The following CBFA2T3 variants were observed in gnomAD, a reference collection of about 807,000 sequenced individuals.
The protein encoded by CBFA2T3 is CBFA2/RUNX1 partner transcriptional co-repressor 3.
In CBFA2T3, 31 loss-of-function variants were observed where a neutral mutation model predicts 58.6. The observed-to-expected ratio is 0.53, with a 90% confidence interval of 0.40 to 0.71. CBFA2T3 has a LOEUF of 0.71. CBFA2T3 is among the 30% of genes least tolerant of loss of function. CBFA2T3 has a pLI of 0.00. For missense variants in CBFA2T3, 1,076 were observed against 963.1 expected, an observed-to-expected ratio of 1.12 and a Z score of -1.55; for synonymous variants, 531 against 421.9, an observed-to-expected ratio of 1.26 and a Z score of -3.17.
chr16:88,888,854 G>A (rs1235733440), intron 5 of CBFA2T3, among the ~76,000 whole-genome samples: 1 of 151,918 alleles, frequency 6.6e-6, no homozygotes, highest in Non-Finnish European at 1.5e-5. Flanking sequence ...ACCCCACACA[G>A]GCCGTGGGAT....
At chr16:88,898,637 G>T (rs186966622) in intron 2 of CBFA2T3, among the ~76,000 whole-genome samples, 1 of 151,200 alleles carries the variant, frequency 6.6e-6, no homozygotes, top group African/African-American at 2.5e-5. Context: ...GACCTGGGCC[G>T]AAGCCGCGTG....
At chr16:88,936,012 A>G (rs2142785385) in intron 1 of CBFA2T3, among the ~76,000 whole-genome samples, 1 of 152,236 alleles carries the variant, frequency 6.6e-6, no homozygotes, top group African/African-American at 2.4e-5. Context: ...GGAACAGGGC[A>G]GGGGGCTGCA....
rs1410339179 is a variant in CBFA2T3 at position 88,891,737 on chromosome 16, G to C, written c.711+145C>G. On this transcript the variant is annotated intron_variant, in intron 5 of 11. Coordinates refer to ENST00000268679, the MANE Select transcript of CBFA2T3 (RefSeq NM_005187.6). ...ACAGGGTCCCAGGTTGGCCAAGATC[G>C]ATGCCTCACACCTCTTCATCCACCT... 8.0e-6 allele frequency: 5 copies of C among 625,920 alleles called. No homozygotes were observed. The Admixed American group carries it at 1.3e-4, about 16-fold the overall frequency. 38.8% of individuals were successfully genotyped at this position (625,920 alleles called of 1,614,324 possible). A position where few individuals can be genotyped will look rare whatever the true frequency, so the allele number is the denominator to read the frequency against.
At chr16:88,961,634 C>T (rs1444171730) in intron 1 of CBFA2T3, among the ~76,000 whole-genome samples, 1 of 109,050 alleles carries the variant, frequency 9.2e-6, no homozygotes, top group Non-Finnish European at 1.9e-5. Context: ...CATTCCCACT[C>T]CATAGTAACC....
At chr16:88,952,706 G>T (rs939806501) in intron 1 of CBFA2T3, among the ~76,000 whole-genome samples, 1 of 152,168 alleles carries the variant, frequency 6.6e-6, no homozygotes, top group African/African-American at 2.4e-5. Flanking sequence ...TTCCTGCTGG[G>T]AGGCAGGAAT....
At chr16:88,912,114 A>G (rs1202572995) in intron 1 of CBFA2T3, among the ~76,000 whole-genome samples, 1 of 152,254 alleles carries the variant, frequency 6.6e-6, no homozygotes, top group Non-Finnish European at 1.5e-5. Context: ...GAAGGTGCAC[A>G]GGCCGGCCTC....
Position 88,901,675 on chromosome 16 carries a change from G to T in CBFA2T3, c.152-19C>A. The T allele has an allele frequency of 6.6e-7, 1 of 1,518,846 alleles. No individual in the cohort carries two copies. The highest frequency in any genetic ancestry group is 1.7e-4 in the Middle Eastern group (1 of 5,802). The allele number at this position is 1,518,846 out of a possible 1,614,324, so 94.1% of individuals were successfully genotyped here. ...ACTGGGGCTGCGACCAACGGAGAAA[G>T]AAAGAGTCGGTGAAGCAGGCTAAGT... On this transcript the variant is annotated intron_variant, in intron 1 of 11. Coordinates refer to ENST00000268679, the MANE Select transcript of CBFA2T3 (RefSeq NM_005187.6).
chr16:88,916,852 T>A (rs540285023), intron 1 of CBFA2T3, among the ~76,000 whole-genome samples: 2 of 152,136 alleles, frequency 1.3e-5, no homozygotes, highest in East Asian at 3.9e-4. Context: ...GCTGTCATAT[T>A]GGTTACTAGA....
chr16:88,946,491 T>A (rs547636443), intron 1 of CBFA2T3, among the ~76,000 whole-genome samples: 15 of 152,010 alleles, frequency 9.9e-5, no homozygotes, highest in Admixed American at 3.3e-4. Flanking sequence ...AGAGGTTTGT[T>A]TGTTTTTGGA....
At chr16:88,886,392 G>A (rs547700653) in intron 5 of CBFA2T3, 2 of 380,400 alleles carry the variant, frequency 5.3e-6, no homozygotes, top group East Asian at 3.9e-5. Flanking sequence ...GGGGCATGTG[G>A]GACTTGAGCC....
At chr16:88,948,463 G>A (rs12935775) in intron 1 of CBFA2T3, among the ~76,000 whole-genome samples, 54,708 of 152,052 alleles carry the variant, frequency 0.36, 10,109 homozygotes, top group Middle Eastern at 0.53. Context: ...AGCCTGGGCC[G>A]TCTGGTGTGG....
intron 1 of CBFA2T3, among the ~76,000 whole-genome samples, chr16:88,912,639 C>T (rs547022889): frequency 3.9e-5 from 6 of 152,310 alleles, no homozygotes; most frequent in Non-Finnish European, 8.8e-5. Context: ...TGTTTACGCC[C>T]GTCTCCCCCA....
At position 88,885,445 on chromosome 16, in the gene CBFA2T3, C is replaced by G. The variant is rs1293459136; in HGVS notation, c.894-176G>C. On this transcript the variant is annotated intron_variant, in intron 6 of 11. Coordinates refer to ENST00000268679, the MANE Select transcript of CBFA2T3 (RefSeq NM_005187.6). This position sits in a 1 kb window ranked among gnomAD's most constrained non-coding sequence, Gnocchi z 5.3. ...GGAAGCCCAGCCCGGCGCCCCCACT[C>G]TCTGCCCCTCTGCCGGGGCCCATGC... 1.3e-5 allele frequency among the ~76,000 whole-genome samples: 2 copies of G among 152,092 alleles called. No homozygotes were observed. Among genetic ancestry groups the G allele is most frequent in the Admixed American group, 1.3e-4 (2 of 15,286 alleles).
chr16:88,894,547 TACACACATGCAC>T (rs1172655118), intron 3 of CBFA2T3, among the ~76,000 whole-genome samples: 22 of 134,652 alleles, frequency 1.6e-4, no homozygotes, highest in Admixed American at 2.9e-4. Flanking sequence ...GCACACAATG[TACACACATGCAC>T]ACACACATGC....
chr16:88,875,855 G>C lies in CBFA2T3; in HGVS notation c.*1121C>G. ...AACGGAAATATGAAAAGTCACAGGG[G>C]GCGTGAGGACAGACGGCGTGTCCTT... On this transcript the variant is annotated 3_prime_UTR_variant, in exon 12 of 12. Transcript: ENST00000268679. The C allele has an allele frequency of 4.3e-6, 1 of 233,364 alleles. No homozygotes were observed. Among genetic ancestry groups the C allele is most frequent in the Non-Finnish European group, 8.5e-6 (1 of 117,966 alleles). 14.5% of individuals were successfully genotyped at this position (233,364 alleles called of 1,614,324 possible).
At chr16:88,929,302 C>T (rs745663179) in intron 1 of CBFA2T3, among the ~76,000 whole-genome samples, 2 of 152,206 alleles carry the variant, frequency 1.3e-5, no homozygotes, top group South Asian at 2.1e-4. Flanking sequence ...TCACCGGGGC[C>T]GGCACACCAT....
At chr16:88,954,131 TG>T (rs1972146566) in intron 1 of CBFA2T3, among the ~76,000 whole-genome samples, 1 of 152,068 alleles carries the variant, frequency 6.6e-6, no homozygotes, top group African/African-American at 2.4e-5. Context: ...ATCTCACCAC[TG>T]ACCAAGATAG....
At chr16:88,969,968 C>T (rs917177683) in intron 1 of CBFA2T3, among the ~76,000 whole-genome samples, 4 of 152,156 alleles carry the variant, frequency 2.6e-5, no homozygotes, top group African/African-American at 9.7e-5. Flanking sequence ...CTCAGGAGGG[C>T]ATGCCTTCTG....
chr16:88,936,000 C>A (rs1282948256), intron 1 of CBFA2T3, among the ~76,000 whole-genome samples: 1 of 152,168 alleles, frequency 6.6e-6, no homozygotes, highest in Admixed American at 6.5e-5. Flanking sequence ...CCGCTGCCTC[C>A]GGGAACAGGG....
Sources: gnomAD v4.1 joint callset for allele counts (sites outside exome capture counted in the v4.1 genomes callset) on GRCh38, gnomAD v4.1.1 for gene constraint, Gnocchi (gnomAD v3.1) non-coding constraint, MANE v1.5 for transcripts, NCBI Gene and HGNC (gene_info 2026-07-23, HGNC 2026-07-21) for gene names.